Variants in BMPER observed in about 807,000 individuals in gnomAD.
BMPER encodes the protein BMP-binding endothelial regulator protein.
Under a neutral mutation model 87.3 loss-of-function variants are expected in BMPER, and 45 were observed. That is an observed-to-expected ratio of 0.52 (90% CI 0.41 to 0.66). The LOEUF (loss-of-function observed/expected upper bound fraction) is 0.66. Ranked by LOEUF, BMPER falls within the 30% of genes least tolerant of loss-of-function variation. BMPER has a pLI of 0.00. For synonymous variants in BMPER, 326 were observed against 316.2 expected (o/e 1.03, Z -0.33); for missense variants, 784 against 867.5 (o/e 0.90, Z 1.21).
At chr7:34,099,381 C>G (rs995894060) in intron 13 of BMPER, among the ~76,000 whole-genome samples, 5 of 152,176 alleles carry the variant, frequency 3.3e-5, no homozygotes, top group Admixed American at 3.3e-4. Context: ...CAGGAATTTG[C>G]AAATATTTCT....
intron 2 of BMPER, among the ~76,000 whole-genome samples, chr7:33,918,700 C>T (rs556711252): frequency 6.6e-6 from 1 of 152,198 alleles, no homozygotes; most frequent in Non-Finnish European, 1.5e-5. Context: ...TGTTTATGCC[C>T]CTTGGGGGGA....
At chr7:33,982,217 C>T (rs1785882799) in intron 6 of BMPER, among the ~76,000 whole-genome samples, 1 of 152,154 alleles carries the variant, frequency 6.6e-6, no homozygotes, top group African/African-American at 2.4e-5. Context: ...TCTCTCATGC[C>T]CTCTGCCTTA....
At chr7:34,137,230 C>T (rs1790743051) in intron 13 of BMPER, among the ~76,000 whole-genome samples, 2 of 152,146 alleles carry the variant, frequency 1.3e-5, no homozygotes, top group Non-Finnish European at 2.9e-5. Context: ...GAGAGGAGTG[C>T]AATAAGTTCA....
chr7:34,001,152 G>GT (rs1026528412), intron 6 of BMPER, among the ~76,000 whole-genome samples: 3 of 150,988 alleles, frequency 2.0e-5, no homozygotes, highest in East Asian at 3.9e-4. Context: ...TGATATCTTT[G>GT]TTTTTTTTGT....
At position 34,153,722 on chromosome 7, in the gene BMPER, T is replaced by C. The variant is rs945580655; in HGVS notation, c.*449T>C. The C allele has an allele frequency of 1.0e-5, 2 of 192,796 alleles. No individual in the cohort carries two copies. Among genetic ancestry groups the C allele is most frequent in the East Asian group, 1.4e-4 (1 of 7,300 alleles). 11.9% of individuals were successfully genotyped at this position (192,796 alleles called of 1,614,324 possible). On this transcript the variant is annotated 3_prime_UTR_variant, in exon 15 of 15. Coordinates refer to ENST00000649409, the MANE Select transcript of BMPER (RefSeq NM_001365308.1). ...ATGTGTTTCTCTGGAGAAGGGCACATTTATCTAGGGGCATTTCAGGTTTCC... is the reference window on the plus strand; with the variant it reads ...ATGTGTTTCTCTGGAGAAGGGCACACTTATCTAGGGGCATTTCAGGTTTCC...
chr7:33,950,492 A>G (rs2128613049), intron 3 of BMPER, among the ~76,000 whole-genome samples: 1 of 152,304 alleles, frequency 6.6e-6, no homozygotes, highest in East Asian at 1.9e-4. Flanking sequence ...TTAAGATGTC[A>G]TCCAGGGCTG....
rs541877117 is a variant in BMPER, at chr7:34,131,665, G to A, written c.1746-11565G>A. Reference sequence around the variant, plus strand: ...TTCACTTTCATAAATTTTCCTCACCGCCATTTGTGACTCCACACTCCCAAT... The same window carrying A: ...TTCACTTTCATAAATTTTCCTCACCACCATTTGTGACTCCACACTCCCAAT... On this transcript the variant is annotated intron_variant, in intron 13 of 14. Coordinates refer to ENST00000649409, the MANE Select transcript of BMPER (RefSeq NM_001365308.1). Among the ~76,000 whole-genome samples, 10 of 152,218 alleles carry A rather than the reference G, an allele frequency of 6.6e-5. No homozygotes were observed. In the South Asian group the frequency reaches 1.9e-3, roughly 28 times the overall value.
chr7:34,064,329 A>T (rs1169757617), intron 11 of BMPER, among the ~76,000 whole-genome samples: 1 of 152,184 alleles, frequency 6.6e-6, no homozygotes, highest in Non-Finnish European at 1.5e-5. Context: ...AAGCAGTCTA[A>T]ATCTTGAATT....
chr7:33,943,932 G>A (rs1784823524), intron 3 of BMPER, among the ~76,000 whole-genome samples: 1 of 152,146 alleles, frequency 6.6e-6, no homozygotes, highest in Non-Finnish European at 1.5e-5. Context: ...GCCTAACTGA[G>A]TGCCATCAAT....
At chr7:34,062,194 T>A in intron 11 of BMPER, 147 bp downstream of exon 11, 1 of 696,344 alleles carries the variant, frequency 1.4e-6, no homozygotes, top group Non-Finnish European at 2.4e-6. Flanking sequence ...ACAGTCACTT[T>A]AAGTCAATTG....
intron 3 of BMPER, among the ~76,000 whole-genome samples, chr7:33,944,167 TTTA>T (rs1016061368): frequency 2.6e-5 from 4 of 151,922 alleles, no homozygotes; most frequent in Admixed American, 2.0e-4. Context: ...TATTTTTTAA[TTTA>T]TTATTATTAT....
At chr7:34,020,131 G>A (rs1787141526) in intron 6 of BMPER, among the ~76,000 whole-genome samples, 1 of 151,856 alleles carries the variant, frequency 6.6e-6, no homozygotes, top group Admixed American at 6.6e-5. Flanking sequence ...AACAGTGAAA[G>A]CAAGAGTTTG....
intron 2 of BMPER, among the ~76,000 whole-genome samples, chr7:33,923,908 C>G (rs554454654): frequency 6.6e-6 from 1 of 152,178 alleles, no homozygotes; most frequent in African/African-American, 2.4e-5. Context: ...ATATTCATAC[C>G]CTGAGCAATT....
intron 14 of BMPER, among the ~76,000 whole-genome samples, chr7:34,152,281 C>G (rs924465323): frequency 3.9e-5 from 6 of 152,152 alleles, no homozygotes; most frequent in African/African-American, 1.4e-4. Flanking sequence ...GTCAACATTC[C>G]TATTCTTGAG....
chr7:34,059,559 G>T (rs535997648), intron 10 of BMPER, among the ~76,000 whole-genome samples: 1 of 112,184 alleles, frequency 8.9e-6, no homozygotes, highest in Admixed American at 1.2e-4. Context: ...TGGTGCCCCT[G>T]CCAAGGCCCC....
rs1409380297 is a variant in BMPER at position 33,974,750 on chromosome 7, C to G, written c.542C>G (p.Pro181Arg). ...TATCAAGAAGGGGAGGAATTTCAGC[C>G]AGAAGGAAGCAAATGTACCAAGTGT... ...VQYQEGEEFQ[P>R]EGSKCTKCSC... The change falls in exon 6 of 15, where the codon CCA becomes CGA. Residue 181 changes from proline (P) to arginine (R), a missense_variant. By Grantham distance (103) the Pro-to-Arg change is moderately radical (BLOSUM62 -2). Coordinates refer to ENST00000649409, the MANE Select transcript of BMPER (RefSeq NM_001365308.1). The G allele has an allele frequency of 3.1e-6, 5 of 1,614,072 alleles. No homozygotes were observed. Among genetic ancestry groups the G allele is most frequent in the Non-Finnish European group, 4.2e-6 (5 of 1,179,994 alleles).
At chr7:34,099,799 G>A (rs1323089997) in intron 13 of BMPER, among the ~76,000 whole-genome samples, 1 of 152,064 alleles carries the variant, frequency 6.6e-6, no homozygotes, top group Admixed American at 6.5e-5. Context: ...TCTAAAGAAA[G>A]AAACTGATTT....
chr7:33,938,239 G>A (rs1784659484), intron 3 of BMPER, among the ~76,000 whole-genome samples: 1 of 152,196 alleles, frequency 6.6e-6, no homozygotes, highest in Non-Finnish European at 1.5e-5. Flanking sequence ...CAGGGTGTGG[G>A]CTCTGGAGTC....
intron 3 of BMPER, among the ~76,000 whole-genome samples, chr7:33,946,725 AG>A (rs1784902790): frequency 6.6e-6 from 1 of 152,232 alleles, no homozygotes; most frequent in African/African-American, 2.4e-5. Context: ...CCTCCGAAAA[AG>A]ATGCTGATAT....
Sources: allele counts gnomAD v4.1 joint callset (sites outside exome capture counted in the v4.1 genomes callset), GRCh38; gene constraint gnomAD v4.1.1; transcripts MANE v1.5; gene names NCBI Gene and HGNC (gene_info 2026-07-23, HGNC 2026-07-21).